ZNF723: variants seen among roughly 807,000 people sequenced by gnomAD.
ZNF723 encodes zinc finger protein 723, pseudogene.
In ZNF723, 5 loss-of-function variants were observed where a neutral mutation model predicts 9.4. The ratio of observed to expected loss-of-function variants is 0.53; its 90% CI spans 0.28 to 1.12. ZNF723 has a LOEUF of 1.12. ZNF723 is among the 50% of genes most tolerant of loss of function. The probability of loss-of-function intolerance (pLI) is 0.10; values close to 1 mark genes in which losing one functional copy is unlikely to be tolerated. For synonymous variants in ZNF723, 158 were observed against 168.8 expected, an observed-to-expected ratio of 0.94 and a Z score of 0.49; for missense variants, 450 against 501.5, an observed-to-expected ratio of 0.90 and a Z score of 0.98.
chr19:22,833,387 G>C (rs575627680), intron 1 of ZNF723, among the ~76,000 whole-genome samples: 142 of 151,912 alleles, frequency 9.3e-4, no homozygotes, highest in African/African-American at 3.4e-3. Context: ...TCCTGACCTC[G>C]TGATCCGCCC....
chr19:22,856,513 T>G (rs909577535), intron 3 of ZNF723, among the ~76,000 whole-genome samples: 6 of 152,206 alleles, frequency 3.9e-5, no homozygotes, highest in Non-Finnish European at 8.8e-5. Flanking sequence ...TGATGTGTCT[T>G]GTCTGAATTT....
chr19:22,823,075 C>T, the ZNF723 span, among the ~76,000 whole-genome samples: 5 of 152,178 alleles, frequency 3.3e-5, no homozygotes, highest in African/African-American at 1.2e-4. Flanking sequence ...AGAACTCTCA[C>T]ACCTGGATCT....
chr19:22,844,128 C>A (rs184116330), intron 1 of ZNF723, among the ~76,000 whole-genome samples: 132 of 152,190 alleles, frequency 8.7e-4, no homozygotes, highest in Middle Eastern at 3.4e-3. Flanking sequence ...CTGGTACTTA[C>A]AATTTTCTGA....
chr19:22,816,467 T>A, the ZNF723 span, among the ~76,000 whole-genome samples: 2 of 152,196 alleles, frequency 1.3e-5, no homozygotes, highest in Non-Finnish European at 1.5e-5. Context: ...CAGTAAACTG[T>A]TGAGATTGTG....
intron 1 of ZNF723, among the ~76,000 whole-genome samples, chr19:22,833,906 G>A (rs1018625663): frequency 2.1e-5 from 3 of 140,032 alleles, no homozygotes; most frequent in Non-Finnish European, 4.6e-5. Context: ...GCGCCCGGCC[G>A]CTATTTGTTT....
chr19:22,816,206 G>C, the ZNF723 span, among the ~76,000 whole-genome samples: 1 of 152,186 alleles, frequency 6.6e-6, no homozygotes, highest in Admixed American at 6.5e-5. Flanking sequence ...GCACGCAGGT[G>C]AGATTGTGAC....
the ZNF723 span, among the ~76,000 whole-genome samples, chr19:22,813,894 C>T: frequency 6.6e-6 from 1 of 151,878 alleles, no homozygotes; most frequent in South Asian, 2.1e-4. Flanking sequence ...TCACCACAAC[C>T]TCCAGCTCCC....
intron 1 of ZNF723, among the ~76,000 whole-genome samples, chr19:22,847,196 CT>C (rs1256744483): frequency 6.6e-6 from 1 of 151,892 alleles, no homozygotes; most frequent in African/African-American, 2.4e-5. Context: ...CTGCCTCAGC[CT>C]TGCAAGTTGC....
chr19:22,838,710 T>C (rs964236425), intron 1 of ZNF723, among the ~76,000 whole-genome samples: 4 of 151,868 alleles, frequency 2.6e-5, no homozygotes, highest in Non-Finnish European at 4.4e-5. Flanking sequence ...TATATTTTTC[T>C]TTTTATATAA....
Position 22,858,623 on chromosome 19 carries a change from G to C in ZNF723, c.*190G>C. The C allele has an allele frequency of 2.5e-6, 1 of 404,432 alleles. No homozygotes were observed. Among genetic ancestry groups the C allele is most frequent in the African/African-American group, 2.1e-5 (1 of 48,568 alleles). 25.1% of individuals were successfully genotyped at this position (404,432 alleles called of 1,614,324 possible). ...TACTAAAATACAAAAAAAATTAGCCGGGTGTAGTGGTGGGCGCCTGTAATC... is the reference window on the plus strand; with the variant it reads ...TACTAAAATACAAAAAAAATTAGCCCGGTGTAGTGGTGGGCGCCTGTAATC... On this transcript the variant is annotated 3_prime_UTR_variant, in exon 4 of 4. Coordinates refer to ENST00000600766, the MANE Select transcript of ZNF723 (RefSeq NM_001349726.2).
At chr19:22,844,607 T>G (rs1222345949) in intron 1 of ZNF723, among the ~76,000 whole-genome samples, 1 of 152,226 alleles carries the variant, frequency 6.6e-6, no homozygotes, top group Non-Finnish European at 1.5e-5. Flanking sequence ...AATGTAGGCT[T>G]ATTCAGGCAC....
At chr19:22,822,219 C>A in the ZNF723 span, among the ~76,000 whole-genome samples, 1 of 152,346 alleles carries the variant, frequency 6.6e-6, no homozygotes, top group African/African-American at 2.4e-5. Context: ...ACCAAGCCAA[C>A]AATTAGGATT....
At chr19:22,835,230 C>T (rs932199516) in intron 1 of ZNF723, among the ~76,000 whole-genome samples, 3 of 151,746 alleles carry the variant, frequency 2.0e-5, no homozygotes, top group Admixed American at 2.0e-4. Flanking sequence ...TTAGCAGAGA[C>T]GGGGTTTCAC....
Position 22,832,341 on chromosome 19 carries a change from T to G in ZNF723, c.-39T>G. 2 of 1,382,926 alleles carry G rather than the reference T, an allele frequency of 1.4e-6. No individual in the cohort carries two copies. Among genetic ancestry groups the G allele is most frequent in the South Asian group, 2.3e-5 (2 of 86,796 alleles). 85.7% of individuals were successfully genotyped at this position (1,382,926 alleles called of 1,614,324 possible). Reference sequence around the variant, plus strand: ...CTCCTGACCTACATGCATTGGGAGATCCACAGCTAAGACGCCAGGACTCCC... The same window carrying G: ...CTCCTGACCTACATGCATTGGGAGAGCCACAGCTAAGACGCCAGGACTCCC... On this transcript the variant is annotated 5_prime_UTR_variant, in exon 1 of 4. Coordinates refer to ENST00000600766, the MANE Select transcript of ZNF723 (RefSeq NM_001349726.2).
chr19:22,824,207 A>AAG, the ZNF723 span, among the ~76,000 whole-genome samples: 1 of 152,208 alleles, frequency 6.6e-6, no homozygotes, highest in African/African-American at 2.4e-5. Context: ...GGCCTTGCCC[A>AAG]CAGTGGGCAT....
the ZNF723 span, among the ~76,000 whole-genome samples, chr19:22,818,135 C>G: frequency 6.6e-6 from 1 of 152,104 alleles, no homozygotes; most frequent in Non-Finnish European, 1.5e-5. Flanking sequence ...GACTCTCATA[C>G]CTGGGCTTAA....
chr19:22,852,540 C>T (rs769835337), intron 3 of ZNF723, among the ~76,000 whole-genome samples: 4 of 152,056 alleles, frequency 2.6e-5, no homozygotes, highest in Non-Finnish European at 5.9e-5. Flanking sequence ...GGTAAGCTGT[C>T]ATAAACATTT....
At chr19:22,816,107 T>A in the ZNF723 span, among the ~76,000 whole-genome samples, 1 of 152,234 alleles carries the variant, frequency 6.6e-6, no homozygotes, top group Non-Finnish European at 1.5e-5. Context: ...TGGGTCTATA[T>A]GAGCACAAAT....
At chr19:22,842,129 C>CA (rs1273093453) in intron 1 of ZNF723, among the ~76,000 whole-genome samples, 4 of 152,128 alleles carry the variant, frequency 2.6e-5, no homozygotes, top group African/African-American at 4.8e-5. Context: ...CTCAGCTTCC[C>CA]AAGTAGCTGG....
Sources: gnomAD v4.1 joint callset for allele counts (sites outside exome capture counted in the v4.1 genomes callset) on GRCh38, gnomAD v4.1.1 for gene constraint, MANE v1.5 for transcripts, NCBI Gene and HGNC (gene_info 2026-07-23, HGNC 2026-07-21) for gene names.